KCND2: variants seen among roughly 807,000 people sequenced by gnomAD.
KCND2 encodes A-type voltage-gated potassium channel KCND2.
A neutral mutation model predicts 54.4 loss-of-function variants in KCND2; 16 were observed. The ratio of observed to expected loss-of-function variants is 0.29; its 90% confidence interval spans 0.20 to 0.45. The LOEUF (loss-of-function observed/expected upper bound fraction) is 0.45. Ranked by LOEUF, KCND2 falls within the 20% of genes least tolerant of loss-of-function variation. The pLI, the probability that KCND2 is intolerant of heterozygous loss-of-function variation, is 1.00. For synonymous variants in KCND2, 317 were observed against 310.7 expected, an observed-to-expected ratio of 1.02 and a Z score of -0.21; for missense variants, 486 against 824.2, an observed-to-expected ratio of 0.59 and a Z score of 5.02.
At chr7:120,745,238 T>C (rs1792991057) in intron 4 of KCND2, among the ~76,000 whole-genome samples, 2 of 152,186 alleles carry the variant, frequency 1.3e-5, no homozygotes, top group Non-Finnish European at 2.9e-5. Context: ...CTGGGCATTT[T>C]TAGAGGAACA....
intron 1 of KCND2, among the ~76,000 whole-genome samples, chr7:120,281,483 T>A (rs1253660643): frequency 6.6e-6 from 1 of 151,708 alleles, no homozygotes; most frequent in African/African-American, 2.4e-5. Flanking sequence ...TTTGCACTGC[T>A]CTTTGAATGT....
chr7:120,641,810 C>T (rs1292612935), intron 1 of KCND2, among the ~76,000 whole-genome samples: 5 of 136,168 alleles, frequency 3.7e-5, no homozygotes, highest in African/African-American at 1.4e-4. Flanking sequence ...AAAAAATTTC[C>T]TAGAAAGAAA....
chr7:120,639,434 G>A (rs1159667170), intron 1 of KCND2, among the ~76,000 whole-genome samples: 1 of 152,066 alleles, frequency 6.6e-6, no homozygotes, highest in Non-Finnish European at 1.5e-5. Flanking sequence ...ACAACCATGG[G>A]CCTCTGTCCC....
chr7:120,284,302 C>G (rs1227078976), intron 1 of KCND2, among the ~76,000 whole-genome samples: 9 of 152,116 alleles, frequency 5.9e-5, no homozygotes, highest in Admixed American at 4.6e-4. Context: ...CACGCACACA[C>G]ACACACGCGC....
intron 1 of KCND2, among the ~76,000 whole-genome samples, chr7:120,641,754 C>CTT (rs5886998): frequency 0.097 from 12,607 of 129,780 alleles, 1,219 homozygotes; most frequent in East Asian, 0.44. Flanking sequence ...CAAGCATATT[C>CTT]TTTTTTTTTT....
intron 1 of KCND2, 71 bp from the exon 2 acceptor site, chr7:120,732,832 A>T: frequency 7.5e-7 from 1 of 1,325,454 alleles, no homozygotes; most frequent in Non-Finnish European, 1.1e-6. Context: ...AAAGGAAAAA[A>T]TTCTTAGTTT....
At chr7:120,681,526 TTCTCTC>T (rs144959260) in intron 1 of KCND2, among the ~76,000 whole-genome samples, 14 of 148,624 alleles carry the variant, frequency 9.4e-5, no homozygotes, top group South Asian at 2.1e-4. Flanking sequence ...AACAAATAAG[TTCTCTC>T]TCTCTCTCTC....
At chr7:120,304,656 T>C (rs867730373) in intron 1 of KCND2, among the ~76,000 whole-genome samples, 31 of 152,080 alleles carry the variant, frequency 2.0e-4, no homozygotes, top group African/African-American at 7.2e-4. Context: ...CTCTCTCTCT[T>C]TCTCCTTCCA....
intron 1 of KCND2, among the ~76,000 whole-genome samples, chr7:120,357,228 T>C (rs1800519826): frequency 6.6e-6 from 1 of 152,132 alleles, no homozygotes; most frequent in African/African-American, 2.4e-5. Context: ...CTAATAATAT[T>C]GAAAAGTAAA....
chr7:120,598,271 G>C (rs1191956000), intron 1 of KCND2, among the ~76,000 whole-genome samples: 1 of 151,904 alleles, frequency 6.6e-6, no homozygotes, highest in African/African-American at 2.4e-5. Flanking sequence ...AATCCTACAA[G>C]GTAGTTCCTT....
chr7:120,698,153 T>C (rs1230222466), intron 1 of KCND2, among the ~76,000 whole-genome samples: 1 of 151,762 alleles, frequency 6.6e-6, no homozygotes, highest in Non-Finnish European at 1.5e-5. Flanking sequence ...TAGCTAGGAT[T>C]ATAGGCATGT....
chr7:120,621,905 C>A (rs4730966), intron 1 of KCND2, among the ~76,000 whole-genome samples: 48,200 of 151,706 alleles, frequency 0.32, 10,299 homozygotes, highest in African/African-American at 0.6. Flanking sequence ...TTCCTGAAAG[C>A]ACCCAGGTAC....
intron 1 of KCND2, among the ~76,000 whole-genome samples, chr7:120,675,855 C>CTTTT (rs58226731): frequency 9.9e-5 from 12 of 121,514 alleles, no homozygotes; most frequent in Non-Finnish European, 1.3e-4. Flanking sequence ...TCTTTCTATT[C>CTTTT]TTTTTTTTTT....
intron 1 of KCND2, among the ~76,000 whole-genome samples, chr7:120,463,120 T>G (rs945076350): frequency 6.6e-6 from 1 of 152,080 alleles, no homozygotes; most frequent in Admixed American, 6.6e-5. Context: ...ATTGTTTGAG[T>G]ATCCACTTTT....
chr7:120,287,393 TC>T (rs1263931701), intron 1 of KCND2, among the ~76,000 whole-genome samples: 2 of 152,096 alleles, frequency 1.3e-5, no homozygotes, highest in Admixed American at 1.3e-4. Flanking sequence ...AAATGAATAT[TC>T]TGGGAGTTCA....
chr7:120,404,041 A>G (rs1399918612), intron 1 of KCND2, among the ~76,000 whole-genome samples: 3 of 152,138 alleles, frequency 2.0e-5, no homozygotes, highest in African/African-American at 4.8e-5. Flanking sequence ...TTCAGCAGAA[A>G]CCACACATAA....
intron 1 of KCND2, among the ~76,000 whole-genome samples, chr7:120,526,736 AT>A: frequency 6.6e-6 from 1 of 152,290 alleles, no homozygotes; most frequent in Middle Eastern, 3.4e-3. Context: ...TTATCTACAT[AT>A]ATAATTGTTT....
chr7:120,371,059 T>C (rs1304068121), intron 1 of KCND2, among the ~76,000 whole-genome samples: 1 of 152,062 alleles, frequency 6.6e-6, no homozygotes, highest in Non-Finnish European at 1.5e-5. Flanking sequence ...ACTGAAGCAG[T>C]CCTTGTCTTG....
At chr7:120,346,064 G>A (rs1460432827) in intron 1 of KCND2, among the ~76,000 whole-genome samples, 1 of 151,976 alleles carries the variant, frequency 6.6e-6, no homozygotes, top group Non-Finnish European at 1.5e-5. Flanking sequence ...ATCTCATTAT[G>A]GTTTTGATAT....
Sources: gnomAD v4.1 joint callset for allele counts (sites outside exome capture counted in the v4.1 genomes callset) on GRCh38, gnomAD v4.1.1 for gene constraint, MANE v1.5 for transcripts, NCBI Gene and HGNC (gene_info 2026-07-23, HGNC 2026-07-21) for gene names.